Variants in ADD1 observed in about 807,000 individuals in gnomAD.
The protein encoded by ADD1 is alpha-adducin.
Under a neutral mutation model 80.5 loss-of-function variants are expected in ADD1, and 24 were observed. The observed-to-expected ratio is 0.30, with a 90% CI of 0.22 to 0.42. ADD1 has a LOEUF of 0.42. Among genes scored for constraint, ADD1 ranks in the 10% least tolerant of loss-of-function variants. ADD1 has a pLI of 1.00. For synonymous variants in ADD1, 373 were observed against 393.8 expected (o/e 0.95, Z 0.63); for missense variants, 948 against 1,019.0 (o/e 0.93, Z 0.95).
intron 1 of ADD1, among the ~76,000 whole-genome samples, chr4:2,870,780 A>C (rs952905325): frequency 4.9e-4 from 75 of 152,184 alleles, no homozygotes; most frequent in African/African-American, 1.5e-3. Flanking sequence ...CAACCCTCCA[A>C]AGATTGAAGA....
intron 14 of ADD1, among the ~76,000 whole-genome samples, chr4:2,925,535 C>T (rs1043043965): frequency 2.0e-5 from 3 of 152,146 alleles, no homozygotes; most frequent in Admixed American, 6.5e-5. Flanking sequence ...AGTAAAAATA[C>T]GTATTACAGT....
intron 1 of ADD1, among the ~76,000 whole-genome samples, chr4:2,849,199 A>G (rs1340042325): frequency 6.6e-6 from 1 of 152,216 alleles, no homozygotes; most frequent in Non-Finnish European, 1.5e-5. Flanking sequence ...TAAATGAAGT[A>G]AATGCCAAAA....
chr4:2,889,783 C>G (rs1411879410), intron 4 of ADD1, among the ~76,000 whole-genome samples: 1 of 152,110 alleles, frequency 6.6e-6, no homozygotes, highest in African/African-American at 2.4e-5. Context: ...GATTGTGCCA[C>G]TGCACTCCAG....
chr4:2,914,225 C>T (rs1049857378), intron 13 of ADD1, among the ~76,000 whole-genome samples: 3 of 152,222 alleles, frequency 2.0e-5, no homozygotes, highest in Non-Finnish European at 2.9e-5. Context: ...GCAGGCTCCA[C>T]CTCCTGCTTT....
At chr4:2,902,830 T>A (rs1253085905) in intron 9 of ADD1, 1 of 151,958 alleles carries the variant, frequency 6.6e-6, no homozygotes, top group Non-Finnish European at 1.5e-5. Context: ...ATTGAGACCG[T>A]CCTGGCTAAT....
chr4:2,846,496 G>C (rs1466679558), intron 1 of ADD1, among the ~76,000 whole-genome samples: 1 of 152,090 alleles, frequency 6.6e-6, no homozygotes, highest in African/African-American at 2.4e-5. Flanking sequence ...TGAATATATT[G>C]ATATTTGAAT....
At position 2,928,853 on chromosome 4, in the gene ADD1, C is replaced by T; in HGVS notation, c.*330C>T. On this transcript the variant is annotated 3_prime_UTR_variant, in exon 16 of 16. Transcript: ENST00000683351. ...CTGCACGTCACCCTCCTGAGCCTCA[C>T]CTTTCCTGCCGTCCCTCCTGTTGTG... The T allele has an allele frequency of 6.9e-6, 2 of 288,192 alleles. No individual in the cohort carries two copies. The highest frequency in any genetic ancestry group is 8.3e-5 in the East Asian group (1 of 12,028). The allele number at this position is 288,192 out of a possible 1,614,324, so 17.9% of individuals were successfully genotyped here. A position where few individuals can be genotyped will look rare whatever the true frequency, so the allele number is the denominator to read the frequency against.
chr4:2,882,113 C>T (rs918494052), intron 3 of ADD1, 53 bp downstream of exon 3: 1 of 1,489,684 alleles, frequency 6.7e-7, no homozygotes, highest in South Asian at 1.4e-5. Context: ...GGTAAAATTT[C>T]CTGAAGATTG....
At position 2,875,086 on chromosome 4, in the gene ADD1, G is replaced by C. The variant is rs570014004; in HGVS notation, c.-20-810G>C. Among the ~76,000 whole-genome samples the C allele has an allele frequency of 6.3e-4, 96 of 151,914 alleles. 1 individual carries two copies. Among genetic ancestry groups the C allele is most frequent in the Non-Finnish European group, 1.1e-3 (76 of 67,994 alleles). On this transcript the variant is annotated intron_variant, in intron 1 of 15. Coordinates refer to ENST00000683351, the MANE Select transcript of ADD1 (RefSeq NM_001354761.2). ...CTACAAAATTTTTAAAAAATTCGCC[G>C]GGCATGGCGGTGCACGCTGATAGTC...
At chr4:2,894,867 C>G (rs1305012760) in intron 6 of ADD1, 136 bp downstream of exon 6, 6 of 959,044 alleles carry the variant, frequency 6.3e-6, no homozygotes, top group Non-Finnish European at 7.4e-6. Flanking sequence ...AGGTGTACCA[C>G]TAAGTTTGAC....
Position 2,885,655 on chromosome 4 carries a change from G to C in ADD1, c.510+989G>C, listed in dbSNP as rs186424835. ...GACAGAGACTTGCTCTGTTGCCCAG[G>C]CTGGAGTGCAGTGGTGCAATCTCGG... On this transcript the variant is annotated intron_variant, in intron 4 of 15. Transcript: ENST00000683351. Among the ~76,000 whole-genome samples, 1,016 of 151,674 alleles carry C rather than the reference G, an allele frequency of 6.7e-3. 9 individuals carry two copies. Among genetic ancestry groups the C allele is most frequent in the African/African-American group, 0.022 (908 of 41,350 alleles).
chr4:2,900,971 A>G (rs997258821), intron 9 of ADD1: 1 of 152,384 alleles, frequency 6.6e-6, no homozygotes, highest in African/African-American at 2.4e-5. Flanking sequence ...TGCCCCTGTG[A>G]TCTGTGCAGT....
chr4:2,862,551 C>T (rs1728961641), intron 1 of ADD1, among the ~76,000 whole-genome samples: 1 of 152,204 alleles, frequency 6.6e-6, no homozygotes, highest in South Asian at 2.1e-4. Context: ...TTTCTCTCTG[C>T]CTGGAGTGCC....
intron 3 of ADD1, among the ~76,000 whole-genome samples, chr4:2,883,247 G>A (rs922421870): frequency 1.3e-5 from 2 of 151,752 alleles, no homozygotes; most frequent in Non-Finnish European, 2.9e-5. Context: ...TACAGTTTGT[G>A]TAGGAAAGGC....
rs1202806076 is a variant in ADD1, at chr4:2,898,426, C to G, written c.886-7C>G. ...CAGCTCCACAGAGCATTCATGCTTC[C>G]CCTCAGGTTCTTATTCTCCGGAACC... On this transcript the variant is annotated splice_polypyrimidine_tract_variant and splice_region_variant and intron_variant, in intron 7 of 15. Transcript: ENST00000683351. The G allele has an allele frequency of 2.5e-6, 4 of 1,614,170 alleles. No individual in the cohort carries two copies. The highest frequency in any genetic ancestry group is 1.7e-5 in the Admixed American group (1 of 60,024).
intron 1 of ADD1, among the ~76,000 whole-genome samples, chr4:2,862,624 T>C (rs1728971859): frequency 6.6e-6 from 1 of 152,156 alleles, no homozygotes; most frequent in Non-Finnish European, 1.5e-5. Context: ...GAGTCCTTCC[T>C]TAGCTGTCCC....
chr4:2,870,947 T>C (rs1730330892), intron 1 of ADD1, among the ~76,000 whole-genome samples: 1 of 152,144 alleles, frequency 6.6e-6, no homozygotes, highest in Non-Finnish European at 1.5e-5. Flanking sequence ...GCTGTTTTTT[T>C]TGTAAACAGA....
chr4:2,856,680 C>G (rs1728126954), intron 1 of ADD1, among the ~76,000 whole-genome samples: 1 of 150,588 alleles, frequency 6.6e-6, no homozygotes, highest in Non-Finnish European at 1.5e-5. Context: ...CAACCTCCAC[C>G]TCCTGGGTTC....
chr4:2,887,286 G>A (rs1355218778), intron 4 of ADD1, among the ~76,000 whole-genome samples: 1 of 152,152 alleles, frequency 6.6e-6, no homozygotes, highest in Non-Finnish European at 1.5e-5. Context: ...AGCAAATACA[G>A]TGTCAACAAA....
Sources: allele counts gnomAD v4.1 joint callset (sites outside exome capture counted in the v4.1 genomes callset), GRCh38; gene constraint gnomAD v4.1.1; transcripts MANE v1.5; gene names NCBI Gene and HGNC (gene_info 2026-07-23, HGNC 2026-07-21).